Variants in MKLN1 observed in about 807,000 individuals in gnomAD.
MKLN1 encodes the protein muskelin 1.
MKLN1 carries 18 observed loss-of-function variants against 99.0 expected under a neutral mutation model. That is an observed-to-expected ratio of 0.18 (90% confidence interval 0.13 to 0.27). The LOEUF (loss-of-function observed/expected upper bound fraction) is 0.27. MKLN1 is among the 10% of genes least tolerant of loss of function. The pLI is 1.00. For missense variants in MKLN1, 621 were observed against 875.9 expected (o/e 0.71, Z 3.67); for synonymous variants, 288 against 293.2 (o/e 0.98, Z 0.18).
At chr7:131,341,460 G>A (rs1799405266) in intron 1 of MKLN1, among the ~76,000 whole-genome samples, 1 of 152,104 alleles carries the variant, frequency 6.6e-6, no homozygotes, top group South Asian at 2.1e-4. Flanking sequence ...TTTTGTGATT[G>A]GCTTCCATTT....
chr7:131,197,389 TATTATTATTATTATTA>T (rs1315964711), intron 2 of MKLN1, among the ~76,000 whole-genome samples: 3 of 44,980 alleles, frequency 6.7e-5, no homozygotes, highest in African/African-American at 1.6e-4. Context: ...TTATTATTAT[TATTATTATTATTATTA>T]TTATTATTAT....
chr7:131,281,684 C>T (rs1372600206), intron 3 of MKLN1, among the ~76,000 whole-genome samples: 2 of 149,712 alleles, frequency 1.3e-5, no homozygotes, highest in Non-Finnish European at 3.0e-5. Context: ...TGCCATATTT[C>T]TTTTCTTTTT....
chr7:131,222,254 T>C (rs750445106), intron 3 of MKLN1, among the ~76,000 whole-genome samples: 2 of 152,222 alleles, frequency 1.3e-5, no homozygotes, highest in Non-Finnish European at 2.9e-5. Context: ...GAACTACTAT[T>C]GTCTGAATTT....
At chr7:131,257,408 T>A (rs990801) in intron 3 of MKLN1, among the ~76,000 whole-genome samples, 82,704 of 151,704 alleles carry the variant, frequency 0.55, 24,351 homozygotes, top group Admixed American at 0.69. Flanking sequence ...AAATGAATGA[T>A]AATGAAAGCA....
chr7:131,323,853 CT>C, upstream of MKLN1: 1 of 152,252 alleles, frequency 6.6e-6, no homozygotes, highest in African/African-American at 2.4e-5. Flanking sequence ...GGACCAGACC[CT>C]CGTATTACGT....
intron 1 of MKLN1, among the ~76,000 whole-genome samples, chr7:131,332,069 T>C (rs1319392804): frequency 6.6e-6 from 1 of 152,272 alleles, no homozygotes; most frequent in South Asian, 2.1e-4. Context: ...ACAAGTGTTA[T>C]GATTTGACAA....
chr7:131,284,731 C>A (rs1017301076), intron 3 of MKLN1, among the ~76,000 whole-genome samples: 1 of 152,120 alleles, frequency 6.6e-6, no homozygotes, highest in East Asian at 1.9e-4. Context: ...TGCATACGTG[C>A]GGTCGCTTAG....
chr7:131,442,545 C>T (rs904705101), intron 10 of MKLN1, among the ~76,000 whole-genome samples: 1 of 151,084 alleles, frequency 6.6e-6, no homozygotes, highest in Non-Finnish European at 1.5e-5. Flanking sequence ...GAAATTCTGT[C>T]TAGGAAAAAA....
intron 3 of MKLN1, among the ~76,000 whole-genome samples, chr7:131,283,045 C>T (rs1798074773): frequency 6.6e-6 from 1 of 152,194 alleles, no homozygotes; most frequent in East Asian, 1.9e-4. Context: ...GCAACAGCTC[C>T]TCCGTTCATG....
intron 1 of MKLN1, among the ~76,000 whole-genome samples, chr7:131,354,538 G>A (rs549807091): frequency 1.1e-3 from 165 of 151,902 alleles, no homozygotes; most frequent in African/African-American, 3.7e-3. Flanking sequence ...AATCTTGTGG[G>A]ATTTTTCACG....
chr7:131,187,820 G>C (rs1250515220), intron 2 of MKLN1, among the ~76,000 whole-genome samples: 1 of 152,180 alleles, frequency 6.6e-6, no homozygotes, highest in Admixed American at 6.5e-5. Flanking sequence ...GCCAGGCATG[G>C]TGGCGCATGC....
chr7:131,406,163 A>G (rs1399937106), intron 6 of MKLN1, among the ~76,000 whole-genome samples: 1 of 151,826 alleles, frequency 6.6e-6, no homozygotes, highest in Non-Finnish European at 1.5e-5. Flanking sequence ...CTCTAGAAAT[A>G]TTTTTGCTTT....
In MKLN1 at chr7:131,358,991, G is replaced by A. The variant is rs191685327; in HGVS notation, c.99-16433G>A. Among the ~76,000 whole-genome samples the A allele has an allele frequency of 4.6e-5, 7 of 151,700 alleles. No individual in the cohort carries two copies. The East Asian group carries it at 5.8e-4, about 13-fold the overall frequency. ...CTTTTGGTTTCTTGCTTTATTCTAC[G>A]CATTTCCTGTTTTCAGTTTCATTGA... On this transcript the variant is annotated intron_variant, in intron 1 of 17. Coordinates refer to ENST00000352689, the MANE Select transcript of MKLN1 (RefSeq NM_013255.5).
intron 17 of MKLN1, among the ~76,000 whole-genome samples, chr7:131,483,485 A>G (rs1797182296): frequency 1.3e-5 from 2 of 152,214 alleles, no homozygotes; most frequent in Admixed American, 1.3e-4. Flanking sequence ...ATAACCACGT[A>G]TTATGTGTGT....
intron 3 of MKLN1, among the ~76,000 whole-genome samples, chr7:131,318,670 T>C (rs1584596311): frequency 1.3e-5 from 2 of 152,224 alleles, no homozygotes; most frequent in East Asian, 3.9e-4. Context: ...CCAGAGGTAG[T>C]TTTTTTAAAA....
chr7:131,340,985 A>T (rs1193099202), intron 1 of MKLN1, among the ~76,000 whole-genome samples: 5 of 152,228 alleles, frequency 3.3e-5, no homozygotes, highest in African/African-American at 7.2e-5. Context: ...TTTTATTATG[A>T]AGTTATTTAT....
chr7:131,274,372 G>C (rs1314586759), intron 3 of MKLN1, among the ~76,000 whole-genome samples: 1 of 152,112 alleles, frequency 6.6e-6, no homozygotes, highest in Non-Finnish European at 1.5e-5. Context: ...GCCGGGAGTG[G>C]TGGCTCACGC....
At chr7:131,323,049 T>TG (rs1334897404), upstream of MKLN1, among the ~76,000 whole-genome samples, 11 of 152,302 alleles carry the variant, frequency 7.2e-5, no homozygotes, top group East Asian at 1.9e-3. Flanking sequence ...CATATCACAG[T>TG]GTCATTCACT....
chr7:131,229,482 C>A (rs1032077040), intron 3 of MKLN1, among the ~76,000 whole-genome samples: 1 of 152,108 alleles, frequency 6.6e-6, no homozygotes, highest in African/African-American at 2.4e-5. Context: ...GTAGAGGAAG[C>A]CTCCTATATC....
Sources: gnomAD v4.1 joint callset for allele counts (sites outside exome capture counted in the v4.1 genomes callset) on GRCh38, gnomAD v4.1.1 for gene constraint, MANE v1.5 for transcripts, NCBI Gene and HGNC (gene_info 2026-07-23, HGNC 2026-07-21) for gene names.